The following DMBT1 variants were observed in gnomAD, a reference collection of about 807,000 sequenced individuals.
The protein encoded by DMBT1 is scavenger receptor cysteine-rich domain-containing protein DMBT1.
DMBT1 carries 198 observed loss-of-function variants against 252.9 expected under a neutral mutation model. That is an observed-to-expected ratio of 0.78 (90% confidence interval 0.70 to 0.88). The LOEUF is 0.88. DMBT1 is among the 40% of genes least tolerant of loss of function. The probability of loss-of-function intolerance (pLI) is 0.00; values close to 1 mark genes in which losing one functional copy is unlikely to be tolerated. For missense variants in DMBT1, 2,432 were observed against 2,404.7 expected (o/e 1.01, Z -0.24); for synonymous variants, 990 against 942.7 (o/e 1.05, Z -0.92).
At position 122,598,852 on chromosome 10, in the gene DMBT1, G is replaced by A; in HGVS notation, c.3035G>A (p.Gly1012Asp). The A allele has an allele frequency of 6.2e-7, 1 of 1,613,776 alleles. No homozygotes were observed. Among genetic ancestry groups the A allele is most frequent in the Non-Finnish European group, 8.5e-7 (1 of 1,179,770 alleles). ...CQGRVEVLYQ[G>D]SWGTVCDDSW... ...GGCCGAGTGGAGGTCCTATACCAAGGCTCCTGGGGCACCGTGTGCGATGAC... is the reference window on the plus strand; with the variant it reads ...GGCCGAGTGGAGGTCCTATACCAAGACTCCTGGGGCACCGTGTGCGATGAC... Residue 1012 changes from glycine (G) to aspartate (D), a missense_variant, in exon 26 of 56, where the codon GGC (glycine) becomes GAC (aspartate). By Grantham distance (94) the Gly-to-Asp change is moderately conservative. Coordinates refer to ENST00000338354, the MANE Select transcript of DMBT1 (RefSeq NM_001377530.1).
At chr10:122,574,924 G>A (rs765935954) in intron 6 of DMBT1, among the ~76,000 whole-genome samples, 2 of 152,162 alleles carry the variant, frequency 1.3e-5, no homozygotes, top group Non-Finnish European at 2.9e-5. Context: ...GAGACCTCAC[G>A]TAGCAGCCCA....
chr10:122,630,304 A>T lies in DMBT1; in HGVS notation c.5839A>T (p.Asn1947Tyr). Residue 1947 changes from asparagine (N) to tyrosine (Y), a missense_variant, in exon 48 of 56, where the codon AAC (asparagine) becomes TAC (tyrosine). This residue lies in a region of DMBT1 where 1,162 missense variants were observed against 1,169.0 expected (regional missense o/e 0.99). Transcript: ENST00000338354. ...TCCATACAGATTGGAGGCACACCATAACTGCAGTTTTGATTATGTTGAAAT... is the reference window on the plus strand; with the variant it reads ...TCCATACAGATTGGAGGCACACCATTACTGCAGTTTTGATTATGTTGAAAT... ...FSNLKLEAHHNCSFDYVEIFD... is the reference protein window; with the variant it reads ...FSNLKLEAHHYCSFDYVEIFD... 1.9e-6 allele frequency: 3 copies of T among 1,613,886 alleles called. No homozygotes were observed. The highest frequency in any genetic ancestry group is 2.5e-6 in the Non-Finnish European group (3 of 1,179,762).
At chr10:122,636,650 G>A (rs950280444) in intron 53 of DMBT1, among the ~76,000 whole-genome samples, 1 of 152,234 alleles carries the variant, frequency 6.6e-6, no homozygotes, top group African/African-American at 2.4e-5. Flanking sequence ...GACACTTCCA[G>A]CAGAGCCTGT....
At chr10:122,630,796 A>C (rs2098158088) in intron 48 of DMBT1, among the ~76,000 whole-genome samples, 165 bp from the exon 49 acceptor site, 1 of 152,164 alleles carries the variant, frequency 6.6e-6, no homozygotes, top group Non-Finnish European at 1.5e-5. Context: ...AGCCCCTTTC[A>C]GCTCTGCATG....
At position 122,570,945 on chromosome 10, in the gene DMBT1, C is replaced by G. The variant is rs1353431913; in HGVS notation, c.187+8C>G. 2 of 1,612,748 alleles carry G rather than the reference C, an allele frequency of 1.2e-6. No individual in the cohort carries two copies. Among genetic ancestry groups the G allele is most frequent in the Non-Finnish European group, 8.5e-7 (1 of 1,178,768 alleles). ...AGTCAACTGTAGCAGAAGGTAACGTCTACTATGGGGGATCCCTGTGGGCTC... is the reference window on the plus strand; with the variant it reads ...AGTCAACTGTAGCAGAAGGTAACGTGTACTATGGGGGATCCCTGTGGGCTC... On this transcript the variant is annotated splice_region_variant and intron_variant, in intron 4 of 55. Coordinates refer to ENST00000338354, the MANE Select transcript of DMBT1 (RefSeq NM_001377530.1).
Position 122,643,240 on chromosome 10 carries a change from A to G in DMBT1, c.7471A>G (p.Met2491Val), listed in dbSNP as rs373370046. The change falls in exon 56 of 56, where the codon ATG becomes GTG. Residue 2491 changes from methionine to valine, a missense_variant. Around this residue, in one of 3 missense-constraint regions of DMBT1, gnomAD observed 1,162 missense variants for 1,169.0 expected, o/e 0.99. Transcript: ENST00000338354. Reference sequence around the variant, plus strand: ...CCCCTCCGTGTACCTGCGTTGTAAAATGGTGGTGTGCAGAGCGTATGACCC... The same window carrying G: ...CCCCTCCGTGTACCTGCGTTGTAAAGTGGTGGTGTGCAGAGCGTATGACCC... ...RFPSVYLRCKMVVCRAYDPSS... is the reference protein window; with the variant it reads ...RFPSVYLRCKVVVCRAYDPSS... 9.9e-6 allele frequency: 16 copies of G among 1,613,730 alleles called. No homozygotes were observed. Among genetic ancestry groups the G allele is most frequent in the Admixed American group, 1.7e-5 (1 of 59,998 alleles).
chr10:122,618,417 C>T, intron 41 of DMBT1, 77 bp downstream of exon 41: 1 of 1,606,042 alleles, frequency 6.2e-7, no homozygotes, highest in African/African-American at 1.3e-5. Flanking sequence ...ACATTCTGAT[C>T]TCCTCACTCA....
intron 52 of DMBT1, among the ~76,000 whole-genome samples, chr10:122,635,288 A>C (rs1017947870): frequency 6.6e-6 from 1 of 152,152 alleles, no homozygotes; most frequent in Admixed American, 6.5e-5. Context: ...TTATTTATTC[A>C]ATTATTTATT....
At position 122,600,185 on chromosome 10, in the gene DMBT1, T is replaced by C. The variant is rs918894685; in HGVS notation, c.3310+92T>C. 16 of 1,492,922 alleles carry C rather than the reference T, an allele frequency of 1.1e-5. 1 individual carries two copies. Among genetic ancestry groups the C allele is most frequent in the Non-Finnish European group, 1.5e-5 (16 of 1,098,898 alleles). The allele number at this position is 1,492,922 out of a possible 1,614,324, so 92.5% of individuals were successfully genotyped here. The stretch of plus-strand genomic sequence containing the variant: ...CACAGAGCTCTCCTGTTTCTCTGTG[T>C]GGATACTGTGGGGCATATTATTTCT... On this transcript the variant is annotated intron_variant, in intron 27 of 55. Transcript: ENST00000338354.
At chr10:122,621,661 T>TC (rs1439245735) in intron 44 of DMBT1, among the ~76,000 whole-genome samples, 1 of 152,122 alleles carries the variant, frequency 6.6e-6, no homozygotes, top group African/African-American at 2.4e-5. Context: ...TCCCCAGGGC[T>TC]CCATTTCTCC....
chr10:122,630,910 G>C, intron 48 of DMBT1, 51 bp from the exon 49 acceptor site: 7 of 1,541,556 alleles, frequency 4.5e-6, no homozygotes, highest in Non-Finnish European at 6.2e-6. Flanking sequence ...TTTGTTGTGG[G>C]ACATTTGTTG....
At chr10:122,635,475 C>T (rs1268273639) in intron 52 of DMBT1, among the ~76,000 whole-genome samples, 2 of 152,176 alleles carry the variant, frequency 1.3e-5, no homozygotes, top group African/African-American at 4.8e-5. Flanking sequence ...GACTAAGACC[C>T]AGGCATGGAG....
At chr10:122,600,869 G>A (rs958916782) in intron 27 of DMBT1, 122 bp from the exon 28 acceptor site, 43 of 777,170 alleles carry the variant, frequency 5.5e-5, no homozygotes, top group Non-Finnish European at 8.6e-5. Flanking sequence ...CACATGGGAA[G>A]CAAGTGGCAG....
chr10:122,575,523 TG>T (rs1491390103), intron 6 of DMBT1, among the ~76,000 whole-genome samples: 2 of 151,566 alleles, frequency 1.3e-5, no homozygotes, highest in Admixed American at 1.3e-4. Flanking sequence ...TGGTTTTTTT[TG>T]GGGGGGTGTG....
Position 122,572,360 on chromosome 10 carries a change from A to C in DMBT1, c.234A>C (p.Glu78Asp), listed in dbSNP as rs1415516926. The C allele has an allele frequency of 1.2e-6, 2 of 1,613,046 alleles. No homozygotes were observed. Among genetic ancestry groups the C allele is most frequent in the Non-Finnish European group, 1.7e-6 (2 of 1,179,176 alleles). ...LESTLESTVA[E>D]GSLIPSESTL... ...CAACCCTGGAGTCAACCGTAGCAGA[A>C]GGTAACGTCTACTATGGGGGAGCTC... is the stretch of plus-strand genomic sequence containing the variant. Residue 78 changes from glutamate to aspartate, a missense_variant and splice_region_variant, in exon 5 of 56, where the codon GAA becomes GAC. Physicochemically the swap from Glu to Asp is conservative, Grantham distance 45. Coordinates refer to ENST00000338354, the MANE Select transcript of DMBT1 (RefSeq NM_001377530.1).
chr10:122,617,878 C>T, intron 40 of DMBT1, 139 bp from the exon 41 acceptor site: 6 of 1,447,898 alleles, frequency 4.1e-6, no homozygotes, highest in Admixed American at 1.9e-5. Flanking sequence ...AAAGCTGAAC[C>T]TCCGGTAGCA....
chr10:122,598,425 A>G (rs1313154025), intron 25 of DMBT1, among the ~76,000 whole-genome samples: 1 of 152,176 alleles, frequency 6.6e-6, no homozygotes, highest in Non-Finnish European at 1.5e-5. Context: ...AGACAAGACC[A>G]TAGGATTGCC....
At chr10:122,599,549 T>A (rs2097919508) in intron 26 of DMBT1, among the ~76,000 whole-genome samples, 1 of 152,160 alleles carries the variant, frequency 6.6e-6, no homozygotes, top group Non-Finnish European at 1.5e-5. Context: ...GCTCAAGGGT[T>A]AGGAGTGCAA....
chr10:122,589,582 A>C (rs1394141844), intron 17 of DMBT1, among the ~76,000 whole-genome samples: 1 of 148,366 alleles, frequency 6.7e-6, no homozygotes, highest in Non-Finnish European at 1.5e-5. Flanking sequence ...GGCTGGGGTC[A>C]GGTTATTCAT....
Sources: gnomAD v4.1 joint callset for allele counts (sites outside exome capture counted in the v4.1 genomes callset) on GRCh38, gnomAD v4.1.1 for gene constraint, gnomAD v4.1.1 regional missense constraint, MANE v1.5 for transcripts, NCBI Gene and HGNC (gene_info 2026-07-23, HGNC 2026-07-21) for gene names.